GHR: variants seen among roughly 807,000 people sequenced by gnomAD.
The protein encoded by GHR is growth hormone receptor.
A neutral mutation model predicts 67.1 loss-of-function variants in GHR; 35 were observed. That is an observed-to-expected ratio of 0.52 (90% CI 0.40 to 0.69). GHR has a LOEUF of 0.69. Among genes scored for constraint, GHR ranks in the 30% least tolerant of loss-of-function variants. The pLI is 0.00. For missense variants in GHR, 792 were observed against 764.6 expected (o/e 1.04, Z -0.42); for synonymous variants, 272 against 269.1 (o/e 1.01, Z -0.10).
At chr5:42,666,315 A>T (rs532546516) in intron 3 of GHR, among the ~76,000 whole-genome samples, 60 of 152,290 alleles carry the variant, frequency 3.9e-4, no homozygotes, top group African/African-American at 1.3e-3. Context: ...AATATATCCA[A>T]ACTATTATCA....
At chr5:42,574,412 T>C (rs1371582879) in intron 2 of GHR, among the ~76,000 whole-genome samples, 3 of 152,272 alleles carry the variant, frequency 2.0e-5, no homozygotes, top group African/African-American at 7.2e-5. Context: ...GCTCTGAACT[T>C]CGTAAGCACG....
intron 1 of GHR, chr5:42,549,961 G>A (rs1273683025): frequency 1.6e-5 from 3 of 193,160 alleles, no homozygotes; most frequent in Non-Finnish European, 2.8e-5. Context: ...AGTAGAAAGT[G>A]GAACTCACCC....
chr5:42,512,676 G>T (rs529672751), intron 1 of GHR, among the ~76,000 whole-genome samples: 1 of 151,924 alleles, frequency 6.6e-6, no homozygotes, highest in Non-Finnish European at 1.5e-5. Context: ...TTTCTTTTCA[G>T]CAATGCTTAC....
chr5:42,446,333 A>C (rs1743804032), intron 1 of GHR, among the ~76,000 whole-genome samples: 1 of 152,228 alleles, frequency 6.6e-6, no homozygotes, highest in African/African-American at 2.4e-5. Flanking sequence ...AGAAAAAATG[A>C]AAAAATGCTA....
intron 1 of GHR, among the ~76,000 whole-genome samples, chr5:42,454,479 G>A (rs1016859648): frequency 6.6e-6 from 1 of 152,224 alleles, no homozygotes; most frequent in Non-Finnish European, 1.5e-5. Context: ...ATACCATCAA[G>A]TGGGGGCAGG....
At chr5:42,565,777 A>T in intron 1 of GHR, 87 bp from the exon 2 acceptor site, 1 of 1,610,062 alleles carries the variant, frequency 6.2e-7, no homozygotes, top group Non-Finnish European at 8.5e-7. Context: ...CAGCTCATTC[A>T]TGTCTTACCC....
intron 3 of GHR, among the ~76,000 whole-genome samples, chr5:42,653,400 C>T (rs1295468391): frequency 6.6e-6 from 1 of 152,060 alleles, no homozygotes; most frequent in African/African-American, 2.4e-5. Flanking sequence ...ATCTTTCTGC[C>T]ATCCCTATCT....
chr5:42,503,795 C>CTT (rs35515771), intron 1 of GHR, among the ~76,000 whole-genome samples: 17 of 150,974 alleles, frequency 1.1e-4, no homozygotes, highest in African/African-American at 1.9e-4. Flanking sequence ...AATTAGATGA[C>CTT]TTTTTTTTTA....
chr5:42,675,639 T>A (rs1012634959), intron 3 of GHR, among the ~76,000 whole-genome samples: 4 of 152,288 alleles, frequency 2.6e-5, no homozygotes, highest in African/African-American at 9.6e-5. Context: ...TAAGGGAAGT[T>A]ATACAATACA....
chr5:42,510,835 G>A (rs997185196), intron 1 of GHR, among the ~76,000 whole-genome samples: 4 of 152,146 alleles, frequency 2.6e-5, no homozygotes, highest in Admixed American at 6.5e-5. Flanking sequence ...GGGAGAGGGC[G>A]TATTTCTTGG....
intron 1 of GHR, among the ~76,000 whole-genome samples, chr5:42,544,654 A>C (rs1748658260): frequency 6.6e-6 from 1 of 152,158 alleles, no homozygotes; most frequent in Non-Finnish European, 1.5e-5. Context: ...CCTTGTTTTG[A>C]CTGTCACTCA....
chr5:42,557,506 C>T (rs1749374345), intron 1 of GHR, among the ~76,000 whole-genome samples: 1 of 152,132 alleles, frequency 6.6e-6, no homozygotes, highest in Non-Finnish European at 1.5e-5. Context: ...TGGATACATG[C>T]AGAGGGAATG....
chr5:42,472,512 C>A (rs1381961178), intron 1 of GHR, among the ~76,000 whole-genome samples: 1 of 152,130 alleles, frequency 6.6e-6, no homozygotes, highest in Non-Finnish European at 1.5e-5. Context: ...AGAATACTGG[C>A]AGGGCAAGAA....
intron 1 of GHR, among the ~76,000 whole-genome samples, chr5:42,534,090 G>T (rs1182593982): frequency 6.8e-6 from 1 of 147,814 alleles, no homozygotes; most frequent in Non-Finnish European, 1.5e-5. Flanking sequence ...ATGTATATAT[G>T]TAAGTATATA....
chr5:42,454,684 T>C (rs1744186992), intron 1 of GHR, among the ~76,000 whole-genome samples: 1 of 152,168 alleles, frequency 6.6e-6, no homozygotes, highest in Non-Finnish European at 1.5e-5. Context: ...CCCACACAGT[T>C]GGTGAGCCCA....
chr5:42,627,920 G>A (rs4523007), intron 2 of GHR, among the ~76,000 whole-genome samples: 23,382 of 152,114 alleles, frequency 0.15, 1,925 homozygotes, highest in African/African-American at 0.17. Context: ...ACAGGGGCTC[G>A]AAGGATGAGT....
chr5:42,664,438 T>G lies in GHR; in HGVS notation c.137-24452T>G, dbSNP rs568678726. Among the ~76,000 whole-genome samples, 36 of 152,176 alleles carry G rather than the reference T, an allele frequency of 2.4e-4. No homozygotes were observed. In the South Asian group the frequency reaches 7.5e-3, roughly 32 times the overall value. ...AGAACAGAGCCCTCAGAAATAACAC[T>G]GCATGTCTACAACTATCTGATCTTT... is the stretch of plus-strand genomic sequence containing the variant. On this transcript the variant is annotated intron_variant, in intron 3 of 9. Coordinates refer to ENST00000230882, the MANE Select transcript of GHR (RefSeq NM_000163.5).
intron 1 of GHR, among the ~76,000 whole-genome samples, chr5:42,438,510 T>C (rs565985477): frequency 7.7e-4 from 118 of 152,350 alleles, no homozygotes; most frequent in Non-Finnish European, 1.4e-3. Flanking sequence ...TCATTCAAAG[T>C]GGCTCCTGTC....
intron 3 of GHR, among the ~76,000 whole-genome samples, chr5:42,655,128 T>A (rs1468820225): frequency 6.6e-6 from 1 of 152,190 alleles, no homozygotes; most frequent in Admixed American, 6.5e-5. Context: ...TTTATGGACG[T>A]TCATCCAAAA....
Sources: allele counts gnomAD v4.1 joint callset (sites outside exome capture counted in the v4.1 genomes callset), GRCh38; gene constraint gnomAD v4.1.1; transcripts MANE v1.5; gene names NCBI Gene and HGNC (gene_info 2026-07-23, HGNC 2026-07-21).